Variants in DNAI3 observed in about 807,000 individuals in gnomAD.
DNAI3 encodes the protein WD repeat domain 63.
In DNAI3, 83 loss-of-function variants were observed where a neutral mutation model predicts 115.5. The observed-to-expected ratio is 0.72, with a 90% CI of 0.60 to 0.86. The LOEUF (loss-of-function observed/expected upper bound fraction) is 0.86, where lower values mean the gene tolerates loss of function less well. Ranked by LOEUF, DNAI3 falls within the 40% of genes least tolerant of loss-of-function variation. The pLI is 0.00. For synonymous variants in DNAI3, 320 were observed against 347.0 expected, an observed-to-expected ratio of 0.92 and a Z score of 0.86; for missense variants, 1,004 against 1,075.8, an observed-to-expected ratio of 0.93 and a Z score of 0.93.
At chr1:85,105,309 C>T (rs970125547) in intron 14 of DNAI3, among the ~76,000 whole-genome samples, 1 of 152,080 alleles carries the variant, frequency 6.6e-6, no homozygotes, top group East Asian at 1.9e-4. Flanking sequence ...TCTGTGACTA[C>T]AGGCAATGAG....
intron 14 of DNAI3, 40 bp from the exon 15 acceptor site, chr1:85,107,993 T>C: frequency 7.1e-7 from 1 of 1,416,932 alleles, no homozygotes; most frequent in Non-Finnish European, 9.3e-7. Flanking sequence ...CTGCACCTCT[T>C]GTTTGTACTT....
chr1:85,065,518 G>A (rs145651251), intron 1 of DNAI3, among the ~76,000 whole-genome samples: 1 of 152,346 alleles, frequency 6.6e-6, no homozygotes, highest in East Asian at 1.9e-4. Context: ...GGTGGCACCA[G>A]TCTGAGGTTG....
intron 1 of DNAI3, among the ~76,000 whole-genome samples, chr1:85,071,368 G>A (rs932889337): frequency 1.3e-5 from 2 of 152,224 alleles, no homozygotes; most frequent in Admixed American, 6.5e-5. Context: ...AAATTGATAA[G>A]CAGTTCCATG....
In DNAI3 at chr1:85,097,594, A is replaced by T. The variant is rs537726025; in HGVS notation, c.1289A>T (p.His430Leu). ...GQIVMWDITA[H>L]ADRIENIKAG... ...ATTGTCATGTGGGATATCACCGCACATGCAGATCGCATAGAAAACATTAAG... is the reference window on the plus strand; with the variant it reads ...ATTGTCATGTGGGATATCACCGCACTTGCAGATCGCATAGAAAACATTAAG... The change falls in exon 12 of 23, where the codon CAT (histidine) becomes CTT (leucine). Residue 430 changes from histidine to leucine, a missense_variant. His to Leu is a moderately conservative substitution (Grantham distance 99). This residue lies in a region of DNAI3 where 550 missense variants were observed against 568.1 expected (regional missense o/e 0.97). Transcript: ENST00000294664. The T allele has an allele frequency of 6.2e-7, 1 of 1,613,272 alleles. No individual in the cohort carries two copies.
intron 2 of DNAI3, among the ~76,000 whole-genome samples, chr1:85,072,519 G>A (rs1654308423): frequency 6.6e-6 from 1 of 151,396 alleles, no homozygotes; most frequent in South Asian, 2.1e-4. Context: ...GCACGCGCCT[G>A]TAATCCCAGC....
At chr1:85,128,125 C>CAAAAAAAAAA (rs11344833) in intron 20 of DNAI3, among the ~76,000 whole-genome samples, 12 of 64,382 alleles carry the variant, frequency 1.9e-4, no homozygotes, top group Non-Finnish European at 2.8e-4. Flanking sequence ...GACCCTGTCT[C>CAAAAAAAAAA]AAAAAAAAAA....
At chr1:85,067,204 A>G (rs900849802) in intron 1 of DNAI3, among the ~76,000 whole-genome samples, 10 of 152,106 alleles carry the variant, frequency 6.6e-5, no homozygotes, top group African/African-American at 2.2e-4. Context: ...TTTTTAGTGA[A>G]GAAGAATTAA....
intron 17 of DNAI3, among the ~76,000 whole-genome samples, chr1:85,119,241 G>C (rs1655918754): frequency 6.6e-6 from 1 of 152,142 alleles, no homozygotes; most frequent in Admixed American, 6.5e-5. Flanking sequence ...TGTTGGAAAA[G>C]TACATTCATA....
intron 1 of DNAI3, among the ~76,000 whole-genome samples, chr1:85,068,951 A>T (rs1199003852): frequency 6.6e-6 from 1 of 152,196 alleles, no homozygotes; most frequent in Non-Finnish European, 1.5e-5. Context: ...GTATGTGTGA[A>T]ATAAGGCCTG....
chr1:85,096,321 G>A (rs78368643), intron 11 of DNAI3, among the ~76,000 whole-genome samples: 7,862 of 151,950 alleles, frequency 0.052, 274 homozygotes, highest in East Asian at 0.15. Context: ...AAAGCTACAA[G>A]CATTACTACC....
chr1:85,112,365 G>A (rs563263217), intron 16 of DNAI3, among the ~76,000 whole-genome samples: 5 of 152,294 alleles, frequency 3.3e-5, no homozygotes, highest in African/African-American at 4.8e-5. Context: ...GATTTTTAGC[G>A]TAGACCTATT....
chr1:85,110,169 A>AG (rs773349920), intron 16 of DNAI3, 34 bp downstream of exon 16: 2 of 1,485,512 alleles, frequency 1.3e-6, no homozygotes, highest in African/African-American at 2.8e-5. Flanking sequence ...AAAAAAAAAA[A>AG]GGCCGGGCGC....
chr1:85,076,749 G>C (rs1654467938), intron 3 of DNAI3, among the ~76,000 whole-genome samples: 1 of 152,192 alleles, frequency 6.6e-6, no homozygotes, highest in Admixed American at 6.5e-5. Flanking sequence ...AGTTATTCAA[G>C]ATGAGATTTG....
intron 17 of DNAI3, among the ~76,000 whole-genome samples, chr1:85,120,182 G>C (rs1406202381): frequency 6.6e-6 from 1 of 152,232 alleles, no homozygotes; most frequent in African/African-American, 2.4e-5. Flanking sequence ...CATGGTGTTG[G>C]CAGTCCATTG....
rs1001195324 is a variant in DNAI3, at chr1:85,126,615, C to T, written c.2217C>T (p.Tyr739=). The change falls in exon 20 of 23, where the codon TAC becomes TAT. Residue 739 remains tyrosine, a synonymous_variant. Coordinates refer to ENST00000294664, the MANE Select transcript of DNAI3 (RefSeq NM_145172.5). The part of the protein sequence containing the change: ...GVFYIGREDG[Y]IDIWDLLEKT... Reference sequence around the variant, plus strand: ...TCTACATCGGCCGAGAAGATGGATACATTGATATCTGGGACCTTCTGGAGA... The same window carrying T: ...TCTACATCGGCCGAGAAGATGGATATATTGATATCTGGGACCTTCTGGAGA... The T allele has an allele frequency of 3.7e-6, 6 of 1,614,180 alleles. No homozygotes were observed. Among genetic ancestry groups the T allele is most frequent in the African/African-American group, 2.7e-5 (2 of 75,058 alleles).
At chr1:85,091,931 C>A (rs1234631293) in intron 8 of DNAI3, among the ~76,000 whole-genome samples, 2 of 152,172 alleles carry the variant, frequency 1.3e-5, no homozygotes, top group Non-Finnish European at 2.9e-5. Flanking sequence ...AGAGCGGAAG[C>A]CACGTCTTTA....
chr1:85,094,405 T>G (rs763048493), intron 9 of DNAI3, 26 bp from the exon 10 acceptor site: 2 of 1,613,320 alleles, frequency 1.2e-6, no homozygotes, highest in Non-Finnish European at 1.7e-6. Context: ...GCTGCCAACT[T>G]TAATTTCTAC....
chr1:85,096,004 G>C lies in DNAI3; in HGVS notation c.1247G>C (p.Gly416Ala), dbSNP rs756355309. The C allele has an allele frequency of 1.2e-6, 2 of 1,613,762 alleles. No homozygotes were observed. The highest frequency in any genetic ancestry group is 1.1e-5 in the South Asian group (1 of 91,070). The part of the protein sequence containing the change: ...CPSDPNIIAG[G>A]CINGQIVMWD... The stretch of plus-strand genomic sequence containing the variant: ...AGTGATCCTAATATCATTGCTGGAG[G>C]CTGTATCAATGGGCAGGTACTTAAC... The change falls in exon 11 of 23, where the codon GGC becomes GCC. Residue 416 changes from glycine (G) to alanine (A), a missense_variant. This residue lies in a region of DNAI3 where 550 missense variants were observed against 568.1 expected (regional missense o/e 0.97). Coordinates refer to ENST00000294664, the MANE Select transcript of DNAI3 (RefSeq NM_145172.5).
At chr1:85,100,982 G>T (rs1287603350) in intron 13 of DNAI3, among the ~76,000 whole-genome samples, 4 of 151,716 alleles carry the variant, frequency 2.6e-5, no homozygotes, top group Non-Finnish European at 2.9e-5. Context: ...GTGGGGTGGG[G>T]GGAGGAGGGG....
Sources: allele counts gnomAD v4.1 joint callset (sites outside exome capture counted in the v4.1 genomes callset), GRCh38; gene constraint gnomAD v4.1.1; regional missense constraint gnomAD v4.1.1; transcripts MANE v1.5; gene names NCBI Gene and HGNC (gene_info 2026-07-23, HGNC 2026-07-21).